Variants in GABRR2 observed in about 807,000 individuals in gnomAD.
The protein encoded by GABRR2 is gamma-aminobutyric acid type A receptor subunit rho2, also known as gamma-aminobutyric acid receptor subunit rho-2.
In GABRR2, 36 loss-of-function variants were observed where a neutral mutation model predicts 47.0. The observed-to-expected ratio is 0.77, with a 90% confidence interval of 0.59 to 1.01. The LOEUF (loss-of-function observed/expected upper bound fraction) is 1.01. Ranked by LOEUF, GABRR2 falls within the 50% of genes least tolerant of loss-of-function variation. The pLI, the probability that GABRR2 is intolerant of heterozygous loss-of-function variation, is 0.00. For missense variants in GABRR2, 587 were observed against 594.6 expected (o/e 0.99, Z 0.13); for synonymous variants, 204 against 227.5 (o/e 0.90, Z 0.93).
In GABRR2 at chr6:89,257,697, G is replaced by A. The variant is rs749271574; in HGVS notation, c.1371C>T (p.Asn457=). The A allele has an allele frequency of 1.2e-6, 2 of 1,613,372 alleles. No homozygotes were observed. The highest frequency in any genetic ancestry group is 2.2e-5 in the South Asian group (2 of 90,974). ...AGGAAAACACTGACCAATAAATTAA[G>A]TTGAAAAATATGTAGGAGGCAGGGA... ...LIFPASYIFF[N]LIYWSVFS is the part of the protein sequence containing the mutation. The change falls in exon 9 of 9, where the codon AAC becomes AAT. Residue 457 remains asparagine, a synonymous_variant. Transcript: ENST00000402938.
chr6:89,298,914 G>A (rs1774600608), intron 2 of GABRR2, among the ~76,000 whole-genome samples: 1 of 152,190 alleles, frequency 6.6e-6, no homozygotes, highest in African/African-American at 2.4e-5. Context: ...CACCCACTAT[G>A]TGAGGTTACA....
chr6:89,302,490 C>G, intron 1 of GABRR2: 1 of 686,658 alleles, frequency 1.5e-6, no homozygotes, highest in Non-Finnish European at 2.5e-6. Flanking sequence ...TCACTACCTC[C>G]TTGTGCTTCC....
chr6:89,287,252 A>G (rs938322276), intron 2 of GABRR2, among the ~76,000 whole-genome samples: 2 of 152,226 alleles, frequency 1.3e-5, no homozygotes, highest in Admixed American at 6.5e-5. Flanking sequence ...TCTGCTCACA[A>G]TCTGGGCACC....
chr6:89,286,878 T>G (rs1337075923), intron 2 of GABRR2, among the ~76,000 whole-genome samples: 1 of 152,110 alleles, frequency 6.6e-6, no homozygotes, highest in Non-Finnish European at 1.5e-5. Flanking sequence ...TGTCCCCTCC[T>G]TCAAGGGTAG....
chr6:89,279,286 CG>C (rs1325763300), intron 2 of GABRR2, among the ~76,000 whole-genome samples: 1 of 152,078 alleles, frequency 6.6e-6, no homozygotes, highest in Non-Finnish European at 1.5e-5. Flanking sequence ...AGGCAGGCAG[CG>C]GGGAGCCCTG....
chr6:89,269,367 C>T, intron 3 of GABRR2, 133 bp from the exon 4 acceptor site: 1 of 709,950 alleles, frequency 1.4e-6, no homozygotes, highest in Non-Finnish European at 2.5e-6. Flanking sequence ...TTCTGCAGCC[C>T]TGTGGCAGGA....
rs1774635578 is a variant in GABRR2 at position 89,299,823 on chromosome 6, C to G, written c.156G>C (p.Lys52Asn). The change falls in exon 2 of 9, where the codon AAG (lysine) becomes AAC (asparagine). Residue 52 changes from lysine to asparagine, a missense_variant. By Grantham distance (94) the Lys-to-Asn change is moderately conservative. Transcript: ENST00000402938. ...KKNLDVTKIR[K>N]GKPQQLLRVD... is the part of the protein sequence containing the mutation. ...CTCTGAGAAGCTGCTGAGGCTTTCC[C>G]TTCCGGATCTTGGTCACATCAAGGT... 6.2e-7 allele frequency: 1 copy of G among 1,613,928 alleles called. No individual in the cohort carries two copies. Among genetic ancestry groups the G allele is most frequent in the Non-Finnish European group, 8.5e-7 (1 of 1,179,808 alleles).
rs758207316 is a variant in GABRR2, at chr6:89,267,840, G to C, written c.596-21C>G. 1.4e-5 allele frequency: 22 copies of C among 1,606,314 alleles called. 2 individuals are homozygous for C. The Admixed American group carries it at 2.0e-4, about 15-fold the overall frequency. On this transcript the variant is annotated intron_variant, in intron 5 of 8. Transcript: ENST00000402938. ...GGCATCTTTGGGAAGAGGAAAACAAGTTAATTTGACTCCTTCGCTTCTGAT... is the reference window on the plus strand; with the variant it reads ...GGCATCTTTGGGAAGAGGAAAACAACTTAATTTGACTCCTTCGCTTCTGAT...
In GABRR2 at chr6:89,315,224, C is replaced by T. The variant is rs762754280; in HGVS notation, c.-59G>A. On this transcript the variant is annotated 5_prime_UTR_variant, in exon 1 of 9. Coordinates refer to ENST00000402938, the MANE Select transcript of GABRR2 (RefSeq NM_002043.5). ...CCAGTAGCCTGTGGCAGAGCAAATC[C>T]CCCCTGGCTTGACCATTGATCCATC... is the stretch of plus-strand genomic sequence containing the variant. 9 of 1,610,282 alleles carry T rather than the reference C, an allele frequency of 5.6e-6. No individual in the cohort carries two copies. Among genetic ancestry groups the T allele is most frequent in the Non-Finnish European group, 6.8e-6 (8 of 1,177,812 alleles).
At chr6:89,312,276 C>T (rs914130210) in intron 1 of GABRR2, among the ~76,000 whole-genome samples, 3 of 152,234 alleles carry the variant, frequency 2.0e-5, no homozygotes, top group Non-Finnish European at 4.4e-5. Context: ...AAACCAATAA[C>T]AGCCAAGAGG....
chr6:89,304,603 A>G (rs949458646), intron 1 of GABRR2, among the ~76,000 whole-genome samples: 1 of 152,024 alleles, frequency 6.6e-6, no homozygotes, highest in Non-Finnish European at 1.5e-5. Context: ...AAAAGAAAAA[A>G]AAAAAAAGAA....
At chr6:89,305,964 A>G (rs1340809298) in intron 1 of GABRR2, among the ~76,000 whole-genome samples, 1 of 152,166 alleles carries the variant, frequency 6.6e-6, no homozygotes, top group African/African-American at 2.4e-5. Flanking sequence ...AGTCTTAAAA[A>G]TAAATAAGAA....
intron 1 of GABRR2, among the ~76,000 whole-genome samples, chr6:89,308,680 C>G (rs1402872822): frequency 1.3e-5 from 2 of 152,124 alleles, no homozygotes; most frequent in Non-Finnish European, 2.9e-5. Context: ...CTTGAGGGCT[C>G]AGGAACAACC....
At chr6:89,263,457 C>T (rs1331667283) in intron 8 of GABRR2, among the ~76,000 whole-genome samples, 1 of 152,190 alleles carries the variant, frequency 6.6e-6, no homozygotes, top group Non-Finnish European at 1.5e-5. Flanking sequence ...CAACCCCTGC[C>T]TTGTTCAAGG....
intron 1 of GABRR2, chr6:89,302,251 G>A (rs778842961): frequency 4.2e-4 from 241 of 571,012 alleles, no homozygotes; most frequent in Non-Finnish European, 7.5e-4. Context: ...TGCATGAGGA[G>A]TATCCCAACT....
intron 8 of GABRR2, among the ~76,000 whole-genome samples, chr6:89,263,176 G>A (rs1255797520): frequency 6.6e-6 from 1 of 152,186 alleles, no homozygotes; most frequent in Non-Finnish European, 1.5e-5. Flanking sequence ...TACTCAGAGT[G>A]AAGATGACCA....
chr6:89,314,791 A>G (rs1447724045), intron 1 of GABRR2, among the ~76,000 whole-genome samples: 2 of 152,212 alleles, frequency 1.3e-5, no homozygotes, highest in African/African-American at 2.4e-5. Context: ...CCAACTATTT[A>G]TATCTGCCTC....
chr6:89,268,005 G>A lies in GABRR2; in HGVS notation c.595+9C>T, dbSNP rs1405507119. On this transcript the variant is annotated intron_variant, in intron 5 of 8. Coordinates refer to ENST00000402938, the MANE Select transcript of GABRR2 (RefSeq NM_002043.5). ...AGAAAGTGAAGGAATTAGGAATGCT[G>A]ATACTTACAGCTCTCCAGCTCCAAA... is the stretch of plus-strand genomic sequence containing the variant. 8.1e-6 allele frequency: 13 copies of A among 1,609,214 alleles called. No homozygotes were observed. Among genetic ancestry groups the A allele is most frequent in the Non-Finnish European group, 1.1e-5 (13 of 1,176,938 alleles).
At chr6:89,295,654 G>A (rs1774540602) in intron 2 of GABRR2, among the ~76,000 whole-genome samples, 1 of 151,908 alleles carries the variant, frequency 6.6e-6, no homozygotes, top group African/African-American at 2.4e-5. Context: ...TGTCAATTTT[G>A]GCTTTTGTTG....
Sources: gnomAD v4.1 joint callset for allele counts (sites outside exome capture counted in the v4.1 genomes callset) on GRCh38, gnomAD v4.1.1 for gene constraint, MANE v1.5 for transcripts, NCBI Gene and HGNC (gene_info 2026-07-23, HGNC 2026-07-21) for gene names.